Variants in PCDH15 observed in about 807,000 individuals in gnomAD.
PCDH15 encodes protocadherin related 15.
A neutral mutation model predicts 178.5 loss-of-function variants in PCDH15; 129 were observed. The ratio of observed to expected loss-of-function variants is 0.72; its 90% CI spans 0.63 to 0.84. The LOEUF is 0.84. Among genes scored for constraint, PCDH15 ranks in the 40% least tolerant of loss-of-function variants. The pLI is 0.00. For missense variants in PCDH15, 2,230 were observed against 2,099.9 expected (o/e 1.06, Z -1.21); for synonymous variants, 800 against 732.0 (o/e 1.09, Z -1.50).
chr10:54,963,185 CA>C (rs1280133214), intron 2 of PCDH15, among the ~76,000 whole-genome samples: 1 of 152,146 alleles, frequency 6.6e-6, no homozygotes, highest in Non-Finnish European at 1.5e-5. Flanking sequence ...CCCAGTAAAT[CA>C]AACTAGTATT....
chr10:54,554,320 AG>A, intron 2 of PCDH15, among the ~76,000 whole-genome samples: 1 of 152,314 alleles, frequency 6.6e-6, no homozygotes, highest in Non-Finnish European at 1.5e-5. Flanking sequence ...CTTCATTCTC[AG>A]TCTGAACTAA....
At chr10:53,821,346 C>A (rs571779869) in intron 32 of PCDH15, 1 of 990,232 alleles carries the variant, frequency 1.0e-6, no homozygotes, top group African/African-American at 1.7e-5. Context: ...TCATCTCCTA[C>A]AATCTAGGTA....
chr10:54,408,641 A>T (rs1473965629), intron 3 of PCDH15, among the ~76,000 whole-genome samples: 1 of 152,168 alleles, frequency 6.6e-6, no homozygotes, highest in South Asian at 2.1e-4. Flanking sequence ...TGAACCGCAT[A>T]ACTGAGAAGC....
intron 35 of PCDH15, among the ~76,000 whole-genome samples, chr10:53,813,430 CTAA>C (rs2075949396): frequency 6.6e-6 from 1 of 152,124 alleles, no homozygotes; most frequent in African/African-American, 2.4e-5. Flanking sequence ...ACCAGAATAA[CTAA>C]TATTTAGACA....
intron 2 of PCDH15, among the ~76,000 whole-genome samples, chr10:55,070,493 C>A (rs1255606195): frequency 6.6e-5 from 10 of 151,936 alleles, no homozygotes; most frequent in Admixed American, 2.6e-4. Context: ...AGCTTTCTAC[C>A]TATGGCTAGC....
rs1330921343 is a variant in PCDH15 at position 54,853,642 on chromosome 10, G to A, written c.-29+43808C>T. Among the ~76,000 whole-genome samples the A allele has an allele frequency of 6.2e-5, 9 of 144,064 alleles. No individual in the cohort carries two copies. The South Asian group carries it at 2.0e-3, about 32-fold the overall frequency. 94.5% of individuals were successfully genotyped at this position (144,064 alleles called of 152,430 possible). ...ATTAAAAAAGCTCTGGAAAAAAAAA[G>A]ATTTTTTTTTCACTAAAATTGTTTT... is the stretch of plus-strand genomic sequence containing the variant. On this transcript the variant is annotated intron_variant, in intron 3 of 5. Transcript: ENST00000458638.
chr10:54,306,874 T>A (rs995532989), intron 8 of PCDH15, among the ~76,000 whole-genome samples: 9 of 150,268 alleles, frequency 6.0e-5, no homozygotes, highest in African/African-American at 2.2e-4. Context: ...TAGGTATGGC[T>A]TTTGTTCTCA....
intron 2 of PCDH15, among the ~76,000 whole-genome samples, chr10:54,648,733 C>T (rs1022768741): frequency 3.3e-5 from 5 of 152,112 alleles, no homozygotes; most frequent in Non-Finnish European, 7.4e-5. Context: ...ACAGGTATTA[C>T]ATAATGCTTG....
At chr10:55,135,985 A>G (rs1310506098) in intron 2 of PCDH15, among the ~76,000 whole-genome samples, 2 of 152,114 alleles carry the variant, frequency 1.3e-5, no homozygotes, top group Non-Finnish European at 2.9e-5. Flanking sequence ...TCCTTTTTTC[A>G]TAGTGTGACC....
At chr10:54,969,314 C>T (rs888311912) in intron 2 of PCDH15, among the ~76,000 whole-genome samples, 1 of 152,122 alleles carries the variant, frequency 6.6e-6, no homozygotes, top group African/African-American at 2.4e-5. Context: ...GAGCAGAACT[C>T]AGTAGCAGGA....
intron 2 of PCDH15, among the ~76,000 whole-genome samples, chr10:55,132,925 GT>G (rs1838092868): frequency 6.6e-6 from 1 of 152,140 alleles, no homozygotes; most frequent in Non-Finnish European, 1.5e-5. Flanking sequence ...TAATTTAGTT[GT>G]TTCATTGGTT....
intron 2 of PCDH15, among the ~76,000 whole-genome samples, chr10:55,383,275 C>G (rs1179855071): frequency 2.2e-5 from 2 of 92,782 alleles, no homozygotes; most frequent in Non-Finnish European, 4.6e-5. Flanking sequence ...GCAGTTGCTT[C>G]TTCTCTCCTG....
chr10:54,731,545 G>GATATATATATATATATATAT lies in PCDH15; in HGVS notation c.-28-67256_-28-67255insATATATATATATATATATAT, dbSNP rs1167781763. The stretch of plus-strand genomic sequence containing the variant: ...CAATGAATAAAGAAAATGTGAGATA[G>GATATATATATATATATATAT]ATATATATATATATATATACACACA... On this transcript the variant is annotated intron_variant, in intron 1 of 37. Transcript: ENST00000644397. 4.5e-3 allele frequency among the ~76,000 whole-genome samples: 360 copies of GATATATATATATATATATAT among 80,180 alleles called. 12 individuals carry two copies. The highest frequency in any genetic ancestry group is 0.015 in the African/African-American group (311 of 21,164). The allele number at this position is 80,180 out of a possible 152,430, so 52.6% of individuals were successfully genotyped here.
At chr10:54,517,239 T>C (rs1430280032) in intron 3 of PCDH15, among the ~76,000 whole-genome samples, 2 of 152,164 alleles carry the variant, frequency 1.3e-5, no homozygotes, top group African/African-American at 4.8e-5. Flanking sequence ...ATGGGCTAAA[T>C]GCTCCAATTA....
At chr10:55,294,717 AAT>A (rs1390951687) in intron 1 of PCDH15, among the ~76,000 whole-genome samples, 1 of 152,216 alleles carries the variant, frequency 6.6e-6, no homozygotes, top group Non-Finnish European at 1.5e-5. Context: ...GAACATATTG[AAT>A]AGTCAGTTAT....
chr10:55,364,644 G>A (rs1247824525), intron 2 of PCDH15, among the ~76,000 whole-genome samples: 1 of 151,996 alleles, frequency 6.6e-6, no homozygotes, highest in Non-Finnish European at 1.5e-5. Flanking sequence ...TCAGGCTCAT[G>A]TCTTCAATTT....
intron 8 of PCDH15, among the ~76,000 whole-genome samples, chr10:54,247,959 TAC>T (rs1237170163): frequency 1.4e-5 from 2 of 138,006 alleles, no homozygotes; most frequent in African/African-American, 3.1e-5. Flanking sequence ...TATATATATA[TAC>T]ACATACAGTA....
In PCDH15 at chr10:54,497,951, G is replaced by A. The variant is rs140956303; in HGVS notation, c.157+29861C>T. The stretch of plus-strand genomic sequence containing the variant: ...GTGACATGACAATTTAGGAAACTCA[G>A]AGAACCCCAGACAGAGAATATATAA... On this transcript the variant is annotated intron_variant, in intron 3 of 37. Coordinates refer to ENST00000644397, the MANE Select transcript of PCDH15 (RefSeq NM_001384140.1). Among the ~76,000 whole-genome samples the A allele has an allele frequency of 3.0e-4, 46 of 152,008 alleles. No individual in the cohort carries two copies. The East Asian group carries it at 7.2e-3, about 24-fold the overall frequency.
At chr10:55,143,375 G>A (rs1055179387) in intron 2 of PCDH15, among the ~76,000 whole-genome samples, 4 of 152,124 alleles carry the variant, frequency 2.6e-5, no homozygotes, top group East Asian at 3.9e-4. Context: ...TTGAGAAATA[G>A]ATATAAAAGT....
Sources: gnomAD v4.1 joint callset for allele counts (sites outside exome capture counted in the v4.1 genomes callset) on GRCh38, gnomAD v4.1.1 for gene constraint, MANE v1.5 for transcripts, NCBI Gene and HGNC (gene_info 2026-07-23, HGNC 2026-07-21) for gene names.